Variants in SYN3 observed in about 807,000 individuals in gnomAD.
The protein encoded by SYN3 is synapsin-3.
Under a neutral mutation model 65.8 loss-of-function variants are expected in SYN3, and 35 were observed. That is an observed-to-expected ratio of 0.53 (90% CI 0.41 to 0.70). The LOEUF is 0.70. Among genes scored for constraint, SYN3 ranks in the 30% least tolerant of loss-of-function variants. SYN3 has a pLI of 0.00. For synonymous variants in SYN3, 270 were observed against 292.9 expected (o/e 0.92, Z 0.80); for missense variants, 680 against 749.0 (o/e 0.91, Z 1.08).
intron 1 of SYN3, among the ~76,000 whole-genome samples, chr22:33,008,924 C>CAAAAAAAAAAA (rs201719238): frequency 1.6e-4 from 9 of 57,098 alleles, no homozygotes; most frequent in African/African-American, 1.9e-4. Flanking sequence ...GACTTTATCT[C>CAAAAAAAAAAA]AAAAAAAAAA....
chr22:32,867,175 C>T (rs567817307), intron 5 of SYN3, among the ~76,000 whole-genome samples: 3 of 152,328 alleles, frequency 2.0e-5, no homozygotes, highest in African/African-American at 7.2e-5. Context: ...CAAAACACCA[C>T]AGACCAGACA....
intron 6 of SYN3, among the ~76,000 whole-genome samples, chr22:32,607,338 C>T (rs1159632373): frequency 6.6e-6 from 1 of 152,160 alleles, no homozygotes. Flanking sequence ...TCAACATTTC[C>T]AAACAACTGC....
At chr22:32,704,028 A>G (rs2060846163) in intron 6 of SYN3, among the ~76,000 whole-genome samples, 1 of 152,172 alleles carries the variant, frequency 6.6e-6, no homozygotes, top group African/African-American at 2.4e-5. Context: ...CTTATCCTTG[A>G]AACTGAAATT....
intron 6 of SYN3, among the ~76,000 whole-genome samples, chr22:32,797,265 T>C (rs1204426350): frequency 6.6e-6 from 1 of 152,156 alleles, no homozygotes; most frequent in Non-Finnish European, 1.5e-5. Flanking sequence ...TGCTGATCAT[T>C]GGACCCATTC....
chr22:32,950,715 C>T (rs189294629), intron 3 of SYN3, among the ~76,000 whole-genome samples: 1 of 152,286 alleles, frequency 6.6e-6, no homozygotes, highest in East Asian at 1.9e-4. Context: ...TAAGAGGTTG[C>T]ACTGCTTAGT....
intron 6 of SYN3, among the ~76,000 whole-genome samples, chr22:32,720,092 A>G (rs2061095407): frequency 6.6e-6 from 1 of 152,202 alleles, no homozygotes; most frequent in African/African-American, 2.4e-5. Flanking sequence ...TTTCAGTTTA[A>G]GCCCTGGTTT....
intron 6 of SYN3, among the ~76,000 whole-genome samples, chr22:32,842,702 G>A (rs1292487741): frequency 6.6e-6 from 1 of 152,178 alleles, no homozygotes; most frequent in East Asian, 1.9e-4. Flanking sequence ...AGAACCCTTA[G>A]GGAGCCTGTG....
chr22:32,972,473 T>A (rs76736929), intron 3 of SYN3, among the ~76,000 whole-genome samples: 2,212 of 152,310 alleles, frequency 0.015, 53 homozygotes, highest in African/African-American at 0.05. Flanking sequence ...CCACTCATCC[T>A]TCTATAGTCT....
At chr22:32,756,732 G>T (rs1410999871) in intron 6 of SYN3, among the ~76,000 whole-genome samples, 1 of 152,152 alleles carries the variant, frequency 6.6e-6, no homozygotes, top group Non-Finnish European at 1.5e-5. Context: ...ATGTGACTTT[G>T]CCTTCCACCA....
Position 32,533,824 on chromosome 22 carries a change from T to C in SYN3, c.1064A>G (p.His355Arg), listed in dbSNP as rs753739932. 3 of 1,613,772 alleles carry C rather than the reference T, an allele frequency of 1.9e-6. No individual in the cohort carries two copies. The highest frequency in any genetic ancestry group is 2.2e-5 in the South Asian group (2 of 91,084). ...GLDICAVKAV[H>R]SKDGRDYIIE... ...GATGTAATCTCTGCCATCCTTGCTG[T>C]GGACAGCCTTGACGGCACAGATGTC... The change falls in exon 10 of 14, where the codon CAC becomes CGC. Residue 355 changes from histidine to arginine, a missense_variant. Physicochemically the swap from His to Arg is conservative, Grantham distance 29. Transcript: ENST00000358763.
intron 1 of SYN3, among the ~76,000 whole-genome samples, chr22:33,016,166 C>T (rs1359550717): frequency 6.6e-6 from 1 of 152,184 alleles, no homozygotes; most frequent in Non-Finnish European, 1.5e-5. Context: ...TTCTTACACA[C>T]TTGTTTCTCT....
At chr22:32,644,376 G>C (rs2059953854) in intron 6 of SYN3, among the ~76,000 whole-genome samples, 1 of 152,220 alleles carries the variant, frequency 6.6e-6, no homozygotes, top group East Asian at 1.9e-4. Flanking sequence ...GAGGAAGAGG[G>C]AGGTGCTCTC....
chr22:32,530,866 C>T (rs1268872147), intron 10 of SYN3, among the ~76,000 whole-genome samples: 5 of 151,686 alleles, frequency 3.3e-5, no homozygotes, highest in Admixed American at 6.6e-5. Flanking sequence ...ATTAGCCGGG[C>T]GTGGTGGCAG....
intron 6 of SYN3, among the ~76,000 whole-genome samples, chr22:32,666,553 G>C (rs886697404): frequency 3.9e-5 from 6 of 152,074 alleles, no homozygotes; most frequent in East Asian, 3.9e-4. Context: ...AATCTGGAAG[G>C]CTCCTTCCTT....
At chr22:32,888,807 A>C (rs241894) in intron 4 of SYN3, among the ~76,000 whole-genome samples, 34,916 of 152,100 alleles carry the variant, frequency 0.23, 4,200 homozygotes, top group South Asian at 0.43. Context: ...GATTTTTTTC[A>C]TTAGGGTTGC....
At chr22:32,943,982 TC>T (rs1300632743) in intron 3 of SYN3, among the ~76,000 whole-genome samples, 2 of 152,028 alleles carry the variant, frequency 1.3e-5, no homozygotes, top group South Asian at 2.1e-4. Context: ...AGACTTAGAC[TC>T]CCACACAATA....
intron 12 of SYN3, chr22:32,519,543 G>C (rs1330638182): frequency 5.9e-5 from 9 of 152,180 alleles, no homozygotes; most frequent in Non-Finnish European, 1.0e-4. Flanking sequence ...GCCACAGAAA[G>C]CTCAAAGAGA....
chr22:32,540,540 T>C (rs1462172073), intron 8 of SYN3, among the ~76,000 whole-genome samples: 1 of 152,214 alleles, frequency 6.6e-6, no homozygotes, highest in Non-Finnish European at 1.5e-5. Context: ...GAGTGAAAGA[T>C]AGAGAGGGCT....
intron 6 of SYN3, among the ~76,000 whole-genome samples, chr22:32,773,701 T>C (rs2045834591): frequency 6.6e-6 from 1 of 152,212 alleles, no homozygotes; most frequent in South Asian, 2.1e-4. Flanking sequence ...GGCTCTGGGC[T>C]GGGCCTTGAG....
Sources: allele counts gnomAD v4.1 joint callset (sites outside exome capture counted in the v4.1 genomes callset), GRCh38; gene constraint gnomAD v4.1.1; transcripts MANE v1.5; gene names NCBI Gene and HGNC (gene_info 2026-07-23, HGNC 2026-07-21).